The following MYMK variants were observed in gnomAD, a reference collection of about 807,000 sequenced individuals.
MYMK encodes the protein protein myomaker.
In MYMK, 16 loss-of-function variants were observed where a neutral mutation model predicts 22.4. The ratio of observed to expected loss-of-function variants is 0.72; its 90% confidence interval spans 0.48 to 1.09. The LOEUF is 1.09. Among genes scored for constraint, MYMK ranks in the 50% least tolerant of loss-of-function variants. The probability of loss-of-function intolerance (pLI) is 0.00; values close to 1 mark genes in which losing one functional copy is unlikely to be tolerated. For synonymous variants in MYMK, 125 were observed against 127.0 expected, an observed-to-expected ratio of 0.98 and a Z score of 0.11; for missense variants, 250 against 295.6, an observed-to-expected ratio of 0.85 and a Z score of 1.13.
chr9:133,520,515 G>T (rs756369972), intron 1 of MYMK, among the ~76,000 whole-genome samples: 7 of 152,234 alleles, frequency 4.6e-5, no homozygotes, highest in Non-Finnish European at 8.8e-5. Context: ...GGTGTTTAGG[G>T]GCTGGGGTGT....
chr9:133,515,026 T>C lies in MYMK; in HGVS notation c.517-241A>G, dbSNP rs982342363. Among the ~76,000 whole-genome samples, 26 of 152,070 alleles carry C rather than the reference T, an allele frequency of 1.7e-4. No homozygotes were observed. Among genetic ancestry groups the C allele is most frequent in the Non-Finnish European group, 4.4e-5 (3 of 67,986 alleles). On this transcript the variant is annotated intron_variant, in intron 4 of 4. Transcript: ENST00000339996. This position sits in a 1 kb window ranked among gnomAD's most constrained non-coding sequence, Gnocchi z 5.8. ...CTTCTTCCCCATCCCCTCTCTCTGC[T>C]GTCCTTCTCTTCCTCCATCCTTCTC...
In MYMK at chr9:133,524,853, A is replaced by G; in HGVS notation, c.-9T>C. On this transcript the variant is annotated 5_prime_UTR_variant, in exon 1 of 5. Transcript: ENST00000339996. Reference sequence around the variant, plus strand: ...GCCACCAGCGTCCCCATGGGCCAGGAGGAAAGCACTGGCTGGGGTGGGGAG... The same window carrying G: ...GCCACCAGCGTCCCCATGGGCCAGGGGGAAAGCACTGGCTGGGGTGGGGAG... 6.2e-7 allele frequency: 1 copy of G among 1,601,702 alleles called. No individual in the cohort carries two copies. The highest frequency in any genetic ancestry group is 8.5e-7 in the Non-Finnish European group (1 of 1,173,514).
chr9:133,524,820 G>C lies in MYMK; in HGVS notation c.25C>G (p.Leu9Val). Reference protein sequence around the residue: MGTLVAKLLLPTLSSLAFL... With the variant: MGTLVAKLVLPTLSSLAFL... ...GCCAGGCTGCTGAGGGTGGGCAGGAGCAGCTTGGCCACCAGCGTCCCCATG... is the reference window on the plus strand; with the variant it reads ...GCCAGGCTGCTGAGGGTGGGCAGGACCAGCTTGGCCACCAGCGTCCCCATG... The change falls in exon 1 of 5, where the codon CTC becomes GTC. Residue 9 changes from leucine to valine, a missense_variant. Transcript: ENST00000339996. 1 of 1,612,764 alleles carries C rather than the reference G, an allele frequency of 6.2e-7. No homozygotes were observed.
At chr9:133,521,402 C>T (rs569726182) in intron 1 of MYMK, among the ~76,000 whole-genome samples, 2 of 152,254 alleles carry the variant, frequency 1.3e-5, no homozygotes, top group South Asian at 2.1e-4. Flanking sequence ...AGGGACAGCA[C>T]AGAGGGAGCG....
intron 1 of MYMK, among the ~76,000 whole-genome samples, chr9:133,523,196 T>G (rs191078401): frequency 6.6e-6 from 1 of 152,278 alleles, no homozygotes; most frequent in East Asian, 1.9e-4. Context: ...CTTGACCAAT[T>G]CAGGATACAA....
intron 1 of MYMK, among the ~76,000 whole-genome samples, chr9:133,521,359 C>G (rs900727630): frequency 6.6e-6 from 1 of 152,140 alleles, no homozygotes; most frequent in African/African-American, 2.4e-5. Context: ...GAGGAGCAGG[C>G]GTGCTGGAAA....
At chr9:133,523,726 T>G (rs1588267424) in intron 1 of MYMK, among the ~76,000 whole-genome samples, 9 of 113,736 alleles carry the variant, frequency 7.9e-5, no homozygotes, top group East Asian at 2.6e-4. Flanking sequence ...AGAGACAAGC[T>G]GGAGAAGGTG....
chr9:133,521,376 C>A (rs566127671), intron 1 of MYMK, among the ~76,000 whole-genome samples: 6 of 152,234 alleles, frequency 3.9e-5, no homozygotes, highest in African/African-American at 1.2e-4. Context: ...GAAAGCAGCC[C>A]GTGTCTGGAG....
At chr9:133,520,454 C>T (rs947961026) in intron 1 of MYMK, among the ~76,000 whole-genome samples, 166 bp from the exon 2 acceptor site, 5 of 152,192 alleles carry the variant, frequency 3.3e-5, no homozygotes, top group African/African-American at 9.7e-5. Flanking sequence ...GGGGTACTGC[C>T]GAGCACTCCC....
At chr9:133,516,417 C>A (rs973715452) in intron 3 of MYMK, among the ~76,000 whole-genome samples, 1 of 152,094 alleles carries the variant, frequency 6.6e-6, no homozygotes, top group Admixed American at 6.5e-5. Context: ...GGGCCAGACC[C>A]GTGGGGGTAC....
chr9:133,515,539 G>A lies in MYMK; in HGVS notation c.468C>T (p.Pro156=), dbSNP rs143956208. ...GGGCCAGCGCCCCGAAGCAGAGGCCGGGGCCTATCTGCTGGGTGTAGACGC... is the reference window on the plus strand; with the variant it reads ...GGGCCAGCGCCCCGAAGCAGAGGCCAGGGCCTATCTGCTGGGTGTAGACGC... The part of the protein sequence containing the change: ...DKSVYTQQIG[P]GLCFGALALM... The change falls in exon 4 of 5, where the codon CCC becomes CCT. Residue 156 remains proline (P), a synonymous_variant. Transcript: ENST00000339996. The surrounding 1 kb of genome is among the most constrained non-coding windows in gnomAD (Gnocchi z 5.8). 4.9e-4 allele frequency: 791 copies of A among 1,613,834 alleles called. 1 individual carries two copies. Among genetic ancestry groups the A allele is most frequent in the Non-Finnish European group, 6.5e-4 (766 of 1,179,716 alleles).
intron 1 of MYMK, 110 bp from the exon 2 acceptor site, chr9:133,520,398 G>A (rs1299945547): frequency 3.7e-5 from 30 of 800,696 alleles, no homozygotes; most frequent in East Asian, 2.7e-4. Context: ...TCACTTTGGC[G>A]AGTCACTTAA....
At chr9:133,523,513 G>A (rs549048779) in intron 1 of MYMK, among the ~76,000 whole-genome samples, 178 of 152,258 alleles carry the variant, frequency 1.2e-3, no homozygotes, top group African/African-American at 4.2e-3. Flanking sequence ...CAAGAGGTGG[G>A]GCACCACTTG....
Position 133,523,682 on chromosome 9 carries a change from G to GGAGAGAGA in MYMK, c.135+1020_135+1027dup, listed in dbSNP as rs35845164. 6.9e-3 allele frequency among the ~76,000 whole-genome samples: 843 copies of GGAGAGAGA among 121,486 alleles called. 8 individuals carry two copies. The highest frequency in any genetic ancestry group is 0.012 in the African/African-American group (345 of 29,942). The allele number at this position is 121,486 out of a possible 152,430, so 79.7% of individuals were successfully genotyped here. On this transcript the variant is annotated intron_variant, in intron 1 of 4. Coordinates refer to ENST00000339996, the MANE Select transcript of MYMK (RefSeq NM_001080483.3). ...TGGATGCGTAGATAGAGAGATAGAT[G>GGAGAGAGA]GAGAGAGAGAGAGAGAGAGAGAGAG...
At position 133,520,640 on chromosome 9, in the gene MYMK, G is replaced by T. The variant is rs552572438; in HGVS notation, c.136-352C>A. ...CCCGCTTAGGTGGGGCGGTCTCCGGGAGGGACCCTACACGGCTCTCCCCGG... is the reference window on the plus strand; with the variant it reads ...CCCGCTTAGGTGGGGCGGTCTCCGGTAGGGACCCTACACGGCTCTCCCCGG... On this transcript the variant is annotated intron_variant, in intron 1 of 4. Transcript: ENST00000339996. Among the ~76,000 whole-genome samples, 12 of 152,116 alleles carry T rather than the reference G, an allele frequency of 7.9e-5. No individual in the cohort carries two copies. The East Asian group carries it at 2.3e-3, about 30-fold the overall frequency.
intron 3 of MYMK, among the ~76,000 whole-genome samples, chr9:133,518,573 C>T (rs1191392124): frequency 1.3e-5 from 2 of 152,218 alleles, no homozygotes; most frequent in East Asian, 3.9e-4. Context: ...TTTGAACCAC[C>T]CCATGAGACA....
Position 133,514,778 on chromosome 9 carries a change from T to C in MYMK, c.524A>G (p.Asp175Gly), listed in dbSNP as rs1225323035. ...LMLRFFFEDW[D>G]YTYVHSFYHC... Reference sequence around the variant, plus strand: ...GTAGAAGCTGTGGACATAAGTGTAGTCCCAGTCCTGCGGGGGGCAAGCGGT... The same window carrying C: ...GTAGAAGCTGTGGACATAAGTGTAGCCCCAGTCCTGCGGGGGGCAAGCGGT... Residue 175 changes from aspartate (D) to glycine (G), a missense_variant, in exon 5 of 5, where the codon GAC becomes GGC. Physicochemically the swap from Asp to Gly is moderately conservative, Grantham distance 94 (BLOSUM62 -1). Coordinates refer to ENST00000339996, the MANE Select transcript of MYMK (RefSeq NM_001080483.3). 2 of 1,613,698 alleles carry C rather than the reference T, an allele frequency of 1.2e-6. No individual in the cohort carries two copies. The highest frequency in any genetic ancestry group is 1.1e-5 in the South Asian group (1 of 91,066).
chr9:133,515,925 TGGAGGGGAGCTCTGGGG>T lies in MYMK; in HGVS notation c.400-335_400-319del, dbSNP rs1389328201. On this transcript the variant is annotated intron_variant, in intron 3 of 4. Transcript: ENST00000339996. This position sits in a 1 kb window ranked among gnomAD's most constrained non-coding sequence, Gnocchi z 5.8. ...CCACCCTCGCATGTCTCCTCCTCCC[TGGAGGGGAGCTCTGGGG>T]GGACTAGACTCCATGATTGCTTACC... Among the ~76,000 whole-genome samples, 1 of 152,166 alleles carries T rather than the reference TGGAGGGGAGCTCTGGGG, an allele frequency of 6.6e-6. No homozygotes were observed. Among genetic ancestry groups the T allele is most frequent in the Non-Finnish European group, 1.5e-5 (1 of 68,020 alleles).
At chr9:133,523,386 C>T (rs1330851953) in intron 1 of MYMK, among the ~76,000 whole-genome samples, 1 of 151,986 alleles carries the variant, frequency 6.6e-6, no homozygotes, top group African/African-American at 2.4e-5. Context: ...CCCAGCACTG[C>T]CCCAAGAAGG....
Sources: gnomAD v4.1 joint callset for allele counts (sites outside exome capture counted in the v4.1 genomes callset) on GRCh38, gnomAD v4.1.1 for gene constraint, Gnocchi (gnomAD v3.1) non-coding constraint, MANE v1.5 for transcripts, NCBI Gene and HGNC (gene_info 2026-07-23, HGNC 2026-07-21) for gene names.